Variants in RANBP2 observed in about 807,000 individuals in gnomAD.
RANBP2 encodes the protein E3 SUMO-protein ligase RanBP2.
RANBP2 carries 57 observed loss-of-function variants against 303.6 expected under a neutral mutation model. The ratio of observed to expected loss-of-function variants is 0.19; its 90% CI spans 0.15 to 0.23. RANBP2 has a LOEUF of 0.23. RANBP2 is among the 10% of genes least tolerant of loss of function. The pLI, the probability that RANBP2 is intolerant of heterozygous loss-of-function variation, is 1.00. For synonymous variants in RANBP2, 1,167 were observed against 1,301.5 expected (o/e 0.90, Z 2.23); for missense variants, 3,138 against 3,780.8 (o/e 0.83, Z 4.46).
the RANBP2 span, among the ~76,000 whole-genome samples, chr2:109,188,414 C>A: frequency 6.6e-6 from 1 of 152,182 alleles, no homozygotes; most frequent in Admixed American, 6.5e-5. Flanking sequence ...GGTCTGGGAC[C>A]CCATGGGCCC....
the RANBP2 span, among the ~76,000 whole-genome samples, chr2:109,287,004 G>C: frequency 3.9e-5 from 6 of 152,182 alleles, no homozygotes; most frequent in Admixed American, 3.9e-4. Context: ...ACGTGCAACT[G>C]TCCCTGTGCT....
chr2:109,357,543 G>T, the RANBP2 span, among the ~76,000 whole-genome samples: 1 of 152,208 alleles, frequency 6.6e-6, no homozygotes, highest in Non-Finnish European at 1.5e-5. Flanking sequence ...GCCTCTGACA[G>T]TTACCAGCCC....
chr2:109,569,167 G>A, the RANBP2 span, among the ~76,000 whole-genome samples: 1 of 152,044 alleles, frequency 6.6e-6, no homozygotes, highest in Non-Finnish European at 1.5e-5. Flanking sequence ...GGTGGCTCAC[G>A]CCTGTAATCC....
At chr2:109,513,491 T>TACACACACCACATGA in the RANBP2 span, among the ~76,000 whole-genome samples, 1 of 151,138 alleles carries the variant, frequency 6.6e-6, no homozygotes, top group Non-Finnish European at 1.5e-5. Context: ...ACACCACATG[T>TACACACACCACATGA]ACACACACCA....
chr2:108,811,648 T>C, the RANBP2 span, among the ~76,000 whole-genome samples: 2 of 152,188 alleles, frequency 1.3e-5, no homozygotes, highest in Non-Finnish European at 2.9e-5. Context: ...AGGGTACATG[T>C]GCAGCTTTGT....
chr2:109,274,116 A>C, the RANBP2 span, among the ~76,000 whole-genome samples: 1 of 152,250 alleles, frequency 6.6e-6, no homozygotes, highest in Non-Finnish European at 1.5e-5. Context: ...CATTTGTGGT[A>C]GTATGTCAAA....
the RANBP2 span, among the ~76,000 whole-genome samples, chr2:109,550,050 G>C: frequency 6.6e-6 from 1 of 151,734 alleles, no homozygotes; most frequent in African/African-American, 2.4e-5. Flanking sequence ...TTTTTCTTTG[G>C]GAGGCCGAGG....
intron 1 of RANBP2, 37 bp downstream of exon 1, chr2:108,719,715 G>C: frequency 6.4e-7 from 1 of 1,563,180 alleles, no homozygotes; most frequent in Non-Finnish European, 8.7e-7. Context: ...GCCTCGACCT[G>C]GCCGGGCGGC....
chr2:109,117,346 C>T, the RANBP2 span, among the ~76,000 whole-genome samples: 10 of 152,208 alleles, frequency 6.6e-5, no homozygotes, highest in Non-Finnish European at 1.3e-4. Context: ...TGGTGGGTGC[C>T]CCTCCCGCAG....
the RANBP2 span, among the ~76,000 whole-genome samples, chr2:108,816,441 ACT>A: frequency 6.6e-6 from 1 of 152,004 alleles, no homozygotes; most frequent in Admixed American, 6.6e-5. Context: ...ACAGAGCAAG[ACT>A]CTGTTTCAAA....
At chr2:109,334,640 C>T in the RANBP2 span, among the ~76,000 whole-genome samples, 1 of 152,158 alleles carries the variant, frequency 6.6e-6, no homozygotes, top group Non-Finnish European at 1.5e-5. Context: ...AGCATGGTGA[C>T]AGGAAGTCAC....
At chr2:109,593,296 G>C in the RANBP2 span, among the ~76,000 whole-genome samples, 2 of 151,986 alleles carry the variant, frequency 1.3e-5, no homozygotes, top group African/African-American at 4.8e-5. Flanking sequence ...TGCTGGATAG[G>C]TATCTACATA....
chr2:108,940,551 C>G, the RANBP2 span, among the ~76,000 whole-genome samples: 1 of 152,240 alleles, frequency 6.6e-6, no homozygotes, highest in Non-Finnish European at 1.5e-5. Flanking sequence ...AGCCCCAGAT[C>G]GGGCGGAGGT....
At position 108,783,957 on chromosome 2, in the gene RANBP2, G is replaced by A. The variant is rs1393952437; in HGVS notation, c.*56G>A. On this transcript the variant is annotated 3_prime_UTR_variant, in exon 29 of 29. Transcript: ENST00000283195. ...GTATAAGCAGTTGGATTGAAGCTTA[G>A]CTATTACAATTTGATAGTTATGTTC... 6.7e-7 allele frequency: 1 copy of A among 1,482,864 alleles called. No individual in the cohort carries two copies. Among genetic ancestry groups the A allele is most frequent in the African/African-American group, 1.4e-5 (1 of 71,492 alleles). The allele number at this position is 1,482,864 out of a possible 1,614,324, so 91.9% of individuals were successfully genotyped here. A position where few individuals can be genotyped will look rare whatever the true frequency, so the allele number is the denominator to read the frequency against.
intron 12 of RANBP2, among the ~76,000 whole-genome samples, 186 bp from the exon 13 acceptor site, chr2:108,752,812 G>A (rs1332788128): frequency 6.6e-6 from 1 of 151,466 alleles, no homozygotes; most frequent in Non-Finnish European, 1.5e-5. Flanking sequence ...AAAAAGTTGA[G>A]TGTAGAATGA....
the RANBP2 span, among the ~76,000 whole-genome samples, chr2:109,674,797 C>T: frequency 6.6e-6 from 1 of 152,030 alleles, no homozygotes; most frequent in Non-Finnish European, 1.5e-5. Flanking sequence ...AGTTTGCTAG[C>T]TTTCTCCTGT....
the RANBP2 span, among the ~76,000 whole-genome samples, chr2:109,438,444 T>C: frequency 6.6e-6 from 1 of 152,180 alleles, no homozygotes; most frequent in Non-Finnish European, 1.5e-5. Flanking sequence ...TGTCAAGCAG[T>C]GGGTAATTTA....
At chr2:108,781,086 C>T (rs570236856) in intron 25 of RANBP2, among the ~76,000 whole-genome samples, 183 bp from the exon 26 acceptor site, 2 of 152,236 alleles carry the variant, frequency 1.3e-5, no homozygotes, top group East Asian at 3.9e-4. Context: ...CTCAGGTGAC[C>T]TCGGCCTCCC....
At chr2:109,612,874 T>C in the RANBP2 span, among the ~76,000 whole-genome samples, 3 of 152,234 alleles carry the variant, frequency 2.0e-5, no homozygotes, top group Admixed American at 2.0e-4. Flanking sequence ...GGTGTCACTT[T>C]GGACGGATCC....
Sources: gnomAD v4.1 joint callset for allele counts (sites outside exome capture counted in the v4.1 genomes callset) on GRCh38, gnomAD v4.1.1 for gene constraint, MANE v1.5 for transcripts, NCBI Gene and HGNC (gene_info 2026-07-23, HGNC 2026-07-21) for gene names.